Variants in DISP1 observed in about 807,000 individuals in gnomAD.
DISP1 encodes the protein dispatched RND transporter family member 1, also known as protein dispatched homolog 1.
DISP1 carries 30 observed loss-of-function variants against 37.3 expected under a neutral mutation model. That is an observed-to-expected ratio of 0.80 (90% CI 0.60 to 1.09). The LOEUF (loss-of-function observed/expected upper bound fraction) is 1.09, where lower values mean the gene tolerates loss of function less well. DISP1 is among the 50% of genes least tolerant of loss of function. The pLI is 0.00. For missense variants in DISP1, 1,598 were observed against 1,879.5 expected, an observed-to-expected ratio of 0.85 and a Z score of 2.77; for synonymous variants, 634 against 690.2, an observed-to-expected ratio of 0.92 and a Z score of 1.28.
At chr1:222,961,909 G>A (rs1180883010) in intron 3 of DISP1, among the ~76,000 whole-genome samples, 1 of 152,090 alleles carries the variant, frequency 6.6e-6, no homozygotes, top group Non-Finnish European at 1.5e-5. Context: ...AGGAGGCTGA[G>A]GCAGGAGAAT....
intron 1 of DISP1, among the ~76,000 whole-genome samples, chr1:222,886,588 C>G (rs1490966522): frequency 6.6e-6 from 1 of 152,212 alleles, no homozygotes; most frequent in Non-Finnish European, 1.5e-5. Flanking sequence ...TAGGTGCCAG[C>G]TCTTTGAAGT....
intron 1 of DISP1, among the ~76,000 whole-genome samples, chr1:222,854,605 T>A (rs1252481745): frequency 6.6e-6 from 1 of 152,142 alleles, no homozygotes; most frequent in East Asian, 1.9e-4. Flanking sequence ...GAGATAGTTC[T>A]GAATTCTGGG....
chr1:222,979,604 G>A, intron 3 of DISP1: 1 of 470,930 alleles, frequency 2.1e-6, no homozygotes, highest in South Asian at 1.5e-5. Flanking sequence ...GCTTTTGGGG[G>A]TTTTTGGTCT....
intron 1 of DISP1, among the ~76,000 whole-genome samples, chr1:222,913,743 C>G (rs1234420820): frequency 8.3e-6 from 1 of 120,626 alleles, no homozygotes; most frequent in African/African-American, 3.0e-5. Context: ...TACATCTCTA[C>G]AAAAAAAAGA....
intron 1 of DISP1, among the ~76,000 whole-genome samples, chr1:222,869,474 T>C (rs1036588355): frequency 4.6e-5 from 7 of 152,190 alleles, no homozygotes; most frequent in African/African-American, 1.7e-4. Flanking sequence ...GTTATAAGTT[T>C]CTATTTTTTT....
At chr1:222,939,473 A>G (rs1030130716) in intron 2 of DISP1, among the ~76,000 whole-genome samples, 3 of 147,858 alleles carry the variant, frequency 2.0e-5, no homozygotes, top group Non-Finnish European at 4.4e-5. Flanking sequence ...GAAGGGAGTT[A>G]GAGGTTGATG....
chr1:222,832,879 G>C (rs184328853), intron 1 of DISP1, among the ~76,000 whole-genome samples: 1 of 151,748 alleles, frequency 6.6e-6, no homozygotes, highest in Admixed American at 6.5e-5. Flanking sequence ...TTTTGTGACA[G>C]AGTGAAACTC....
intron 1 of DISP1, among the ~76,000 whole-genome samples, chr1:222,824,307 A>C (rs1663734012): frequency 1.3e-5 from 2 of 152,174 alleles, no homozygotes; most frequent in Admixed American, 6.5e-5. Flanking sequence ...CATTTAATAT[A>C]TTATTCATTT....
intron 2 of DISP1, among the ~76,000 whole-genome samples, chr1:222,932,161 G>A (rs1053664509): frequency 1.3e-4 from 20 of 151,916 alleles, no homozygotes; most frequent in Non-Finnish European, 2.9e-4. Flanking sequence ...TGCTCTTATA[G>A]ATTGATCAGC....
chr1:222,908,415 A>AT (rs1209619531), intron 1 of DISP1, among the ~76,000 whole-genome samples: 3 of 151,986 alleles, frequency 2.0e-5, no homozygotes, highest in Non-Finnish European at 2.9e-5. Flanking sequence ...CAGTTGGATG[A>AT]TTTTTTTTGA....
Position 222,940,251 on chromosome 1 carries a change from G to A in DISP1, c.-17-2556G>A, listed in dbSNP as rs542505471. Among the ~76,000 whole-genome samples, 123 of 152,190 alleles carry A rather than the reference G, an allele frequency of 8.1e-4. 2 individuals are homozygous for A. The highest frequency in any genetic ancestry group is 8.0e-3 in the Admixed American group (122 of 15,272). ...TGGCAGCACCAGCTCAGCTTCTGGC[G>A]AGGCCTTAGGAAATTCACAATCATG... On this transcript the variant is annotated intron_variant, in intron 2 of 8. Transcript: ENST00000675850.
chr1:222,826,173 G>A (rs1320452011), intron 1 of DISP1, among the ~76,000 whole-genome samples: 1 of 152,098 alleles, frequency 6.6e-6, no homozygotes, highest in Non-Finnish European at 1.5e-5. Flanking sequence ...CAAAGTGTTG[G>A]GATTACAGGC....
intron 2 of DISP1, among the ~76,000 whole-genome samples, chr1:222,931,632 CT>C (rs1324272207): frequency 2.6e-5 from 4 of 151,318 alleles, no homozygotes; most frequent in Non-Finnish European, 2.9e-5. Flanking sequence ...TATCTGCAGG[CT>C]GTCTAACCCT....
chr1:222,888,814 T>TTG (rs141130475), intron 1 of DISP1, among the ~76,000 whole-genome samples: 2,105 of 150,662 alleles, frequency 0.014, 46 homozygotes, highest in African/African-American at 0.046. Flanking sequence ...GCTTTGTCAG[T>TTG]TGTGTGTGTG....
chr1:222,955,274 G>A (rs758017508), intron 3 of DISP1, among the ~76,000 whole-genome samples: 5 of 151,742 alleles, frequency 3.3e-5, no homozygotes, highest in Non-Finnish European at 7.4e-5. Flanking sequence ...TTAGTAGGAC[G>A]GGATTTCACC....
At chr1:222,955,827 G>A (rs1309662345) in intron 3 of DISP1, among the ~76,000 whole-genome samples, 1 of 152,066 alleles carries the variant, frequency 6.6e-6, no homozygotes, top group Non-Finnish European at 1.5e-5. Context: ...TCTTCTCTTT[G>A]TTCATTTGTA....
intron 1 of DISP1, among the ~76,000 whole-genome samples, chr1:222,888,225 G>C (rs1265083186): frequency 6.6e-6 from 1 of 152,130 alleles, no homozygotes; most frequent in Non-Finnish European, 1.5e-5. Flanking sequence ...AGTGTGTAAT[G>C]GAAAGAAAGT....
chr1:222,864,813 G>A (rs553244946), intron 1 of DISP1, among the ~76,000 whole-genome samples: 1 of 152,226 alleles, frequency 6.6e-6, no homozygotes, highest in Admixed American at 6.5e-5. Context: ...TTGTTATTAA[G>A]CTGCTATAAA....
intron 1 of DISP1, among the ~76,000 whole-genome samples, chr1:222,859,267 T>C (rs1255685414): frequency 6.6e-6 from 1 of 151,934 alleles, no homozygotes; most frequent in African/African-American, 2.4e-5. Flanking sequence ...CACTTATGAG[T>C]GGGAGCTGAA....
Sources: allele counts gnomAD v4.1 joint callset (sites outside exome capture counted in the v4.1 genomes callset), GRCh38; gene constraint gnomAD v4.1.1; transcripts MANE v1.5; gene names NCBI Gene and HGNC (gene_info 2026-07-23, HGNC 2026-07-21).